Variants in PRKCE observed in about 807,000 individuals in gnomAD.
PRKCE encodes the protein protein kinase C epsilon, also known as protein kinase C epsilon type.
PRKCE carries 16 observed loss-of-function variants against 85.4 expected under a neutral mutation model. The ratio of observed to expected loss-of-function variants is 0.19; its 90% CI spans 0.13 to 0.28. The LOEUF (loss-of-function observed/expected upper bound fraction) is 0.28. PRKCE is among the 10% of genes least tolerant of loss of function. The pLI is 1.00. For synonymous variants in PRKCE, 388 were observed against 371.5 expected (o/e 1.04, Z -0.51); for missense variants, 573 against 975.2 (o/e 0.59, Z 5.49).
chr2:45,661,341 C>A (rs1339549993), intron 1 of PRKCE, among the ~76,000 whole-genome samples: 1 of 151,612 alleles, frequency 6.6e-6, no homozygotes. Flanking sequence ...AGCCACCACA[C>A]CCGACTAATT....
In PRKCE at chr2:45,923,410, A is replaced by G. The variant is rs116320743; in HGVS notation, c.413-53019A>G. Among the ~76,000 whole-genome samples, 294 of 152,348 alleles carry G rather than the reference A, an allele frequency of 1.9e-3. 4 individuals are homozygous for G. The highest frequency in any genetic ancestry group is 7.0e-3 in the African/African-American group (289 of 41,574). ...CATCAGCCAACTGCCTGAGGCTCAC[A>G]GGGTAGGGTCTGAATTTCTTCCTAC... On this transcript the variant is annotated intron_variant, in intron 2 of 14. Coordinates refer to ENST00000306156, the MANE Select transcript of PRKCE (RefSeq NM_005400.3).
chr2:45,984,625 C>T lies in PRKCE; in HGVS notation c.768C>T (p.Cys256=), dbSNP rs774718020. 15 of 1,599,706 alleles carry T rather than the reference C, an allele frequency of 9.4e-6. No individual in the cohort carries two copies. The highest frequency in any genetic ancestry group is 1.6e-4 in the Middle Eastern group (1 of 6,082). Residue 256 remains cysteine (C), a synonymous_variant, in exon 6 of 15, where the codon TGC becomes TGT. Coordinates refer to ENST00000306156, the MANE Select transcript of PRKCE (RefSeq NM_005400.3). Reference sequence around the variant, plus strand: ...ACAACTACAAGGTCCCTACCTTCTGCGATCACTGTGGGTCCCTGCTCTGGG... The same window carrying T: ...ACAACTACAAGGTCCCTACCTTCTGTGATCACTGTGGGTCCCTGCTCTGGG... ...GIHNYKVPTF[C]DHCGSLLWGL... is the part of the protein sequence containing the mutation.
intron 2 of PRKCE, among the ~76,000 whole-genome samples, chr2:45,864,639 A>G (rs192599461): frequency 4.1e-4 from 62 of 152,354 alleles, no homozygotes; most frequent in African/African-American, 1.4e-3. Context: ...CATAGGATTT[A>G]TTCCCATACC....
At chr2:46,053,445 C>T (rs1708978185) in intron 10 of PRKCE, among the ~76,000 whole-genome samples, 1 of 152,206 alleles carries the variant, frequency 6.6e-6, no homozygotes, top group African/African-American at 2.4e-5. Flanking sequence ...TATCCATCTC[C>T]ATAACGCGTT....
intron 1 of PRKCE, among the ~76,000 whole-genome samples, chr2:45,829,172 C>T (rs1431044497): frequency 6.6e-6 from 1 of 152,106 alleles, no homozygotes; most frequent in Admixed American, 6.5e-5. Flanking sequence ...AATCTTTTCA[C>T]ATATGTGTGA....
chr2:45,890,651 G>A (rs1169990232), intron 2 of PRKCE, among the ~76,000 whole-genome samples: 1 of 152,108 alleles, frequency 6.6e-6, no homozygotes, highest in Non-Finnish European at 1.5e-5. Context: ...AAAGTGCTGG[G>A]ATTACAGGTG....
At chr2:46,105,201 A>C (rs574260333) in intron 11 of PRKCE, among the ~76,000 whole-genome samples, 1 of 152,090 alleles carries the variant, frequency 6.6e-6, no homozygotes, top group Non-Finnish European at 1.5e-5. Flanking sequence ...TTCTGAAATT[A>C]TCAAACCATC....
intron 1 of PRKCE, among the ~76,000 whole-genome samples, chr2:45,776,889 T>C (rs534517856): frequency 6.6e-6 from 1 of 152,234 alleles, no homozygotes; most frequent in Non-Finnish European, 1.5e-5. Context: ...TTCTGATCTG[T>C]GTATCTTCTC....
intron 13 of PRKCE, among the ~76,000 whole-genome samples, chr2:46,151,985 A>G (rs1254217764): frequency 6.6e-6 from 1 of 152,242 alleles, no homozygotes; most frequent in African/African-American, 2.4e-5. Flanking sequence ...GAGCTAAGAT[A>G]GGATGAGGGT....
intron 2 of PRKCE, 83 bp downstream of exon 2, chr2:45,843,146 A>G: frequency 3.3e-6 from 4 of 1,212,358 alleles, no homozygotes; most frequent in Non-Finnish European, 3.7e-6. Context: ...CCTTGGCCGG[A>G]ACACATTATA....
intron 2 of PRKCE, among the ~76,000 whole-genome samples, chr2:45,883,014 G>A (rs926296468): frequency 1.3e-5 from 2 of 152,236 alleles, no homozygotes; most frequent in Non-Finnish European, 2.9e-5. Flanking sequence ...ACGGCCAGTC[G>A]CTACTCAAAT....
At chr2:45,969,471 T>G (rs1034207549) in intron 2 of PRKCE, among the ~76,000 whole-genome samples, 1 of 152,134 alleles carries the variant, frequency 6.6e-6, no homozygotes, top group African/African-American at 2.4e-5. Context: ...AGCGAGCATC[T>G]TTTGGAGCGG....
intron 2 of PRKCE, among the ~76,000 whole-genome samples, chr2:45,888,334 C>T (rs1190006089): frequency 6.6e-6 from 1 of 152,112 alleles, no homozygotes; most frequent in Non-Finnish European, 1.5e-5. Flanking sequence ...ATTGCCAAGC[C>T]TTTACTATGC....
At chr2:46,118,833 G>A (rs1253543476) in intron 11 of PRKCE, among the ~76,000 whole-genome samples, 1 of 152,178 alleles carries the variant, frequency 6.6e-6, no homozygotes, top group Non-Finnish European at 1.5e-5. Context: ...CAAACCCAGA[G>A]CAATGGCCCC....
At chr2:45,935,728 T>C (rs6752618) in intron 2 of PRKCE, among the ~76,000 whole-genome samples, 17,461 of 149,070 alleles carry the variant, frequency 0.12, 1,745 homozygotes, top group African/African-American at 0.28. Flanking sequence ...GAGGTTGCAG[T>C]GAGCCAAGAT....
chr2:45,673,004 G>T (rs970620647), intron 1 of PRKCE, among the ~76,000 whole-genome samples: 1 of 152,162 alleles, frequency 6.6e-6, no homozygotes, highest in African/African-American at 2.4e-5. Context: ...TCCAGCCTGG[G>T]CAGCAGAGCA....
chr2:46,036,888 C>T (rs1707898646), intron 10 of PRKCE, among the ~76,000 whole-genome samples: 1 of 152,144 alleles, frequency 6.6e-6, no homozygotes, highest in South Asian at 2.1e-4. Flanking sequence ...TAGAGGGCCT[C>T]AAGTGACAGA....
chr2:46,132,381 C>T (rs1373986956), intron 11 of PRKCE, among the ~76,000 whole-genome samples: 2 of 152,142 alleles, frequency 1.3e-5, no homozygotes, highest in Admixed American at 1.3e-4. Context: ...TCCAAGGGAC[C>T]AATAATGTTC....
In PRKCE at chr2:45,774,393, G is replaced by A. The variant is rs922397165; in HGVS notation, c.349-68607G>A. Among the ~76,000 whole-genome samples, 3 of 152,198 alleles carry A rather than the reference G, an allele frequency of 2.0e-5. No individual in the cohort carries two copies. Among genetic ancestry groups the A allele is most frequent in the African/African-American group, 7.2e-5 (3 of 41,446 alleles). ...TTGAACGGAGGTGTGAACCCAGGAT[G>A]AGGCAGAGTCCCGTCAGAGGCCTGT... is the stretch of plus-strand genomic sequence containing the variant. On this transcript the variant is annotated intron_variant, in intron 1 of 14. Transcript: ENST00000306156. The surrounding 1 kb of genome is among the most constrained non-coding windows in gnomAD (Gnocchi z 4.3).
Sources: allele counts gnomAD v4.1 joint callset (sites outside exome capture counted in the v4.1 genomes callset), GRCh38; gene constraint gnomAD v4.1.1; non-coding constraint Gnocchi (gnomAD v3.1); transcripts MANE v1.5; gene names NCBI Gene and HGNC (gene_info 2026-07-23, HGNC 2026-07-21).